AP3B1: variants seen among roughly 807,000 people sequenced by gnomAD.
AP3B1 encodes the protein adaptor related protein complex 3 subunit beta 1.
A neutral mutation model predicts 132.5 loss-of-function variants in AP3B1; 61 were observed. That is an observed-to-expected ratio of 0.46 (90% confidence interval 0.37 to 0.57). AP3B1 has a LOEUF of 0.57. Ranked by LOEUF, AP3B1 falls within the 20% of genes least tolerant of loss-of-function variation. The pLI is 0.00. For missense variants in AP3B1, 1,120 were observed against 1,289.4 expected, an observed-to-expected ratio of 0.87 and a Z score of 2.01; for synonymous variants, 388 against 438.3, an observed-to-expected ratio of 0.89 and a Z score of 1.43.
At chr5:78,145,135 G>C (rs10942839) in intron 14 of AP3B1, among the ~76,000 whole-genome samples, 1 of 151,984 alleles carries the variant, frequency 6.6e-6, no homozygotes, top group East Asian at 1.9e-4. Flanking sequence ...TGATTTGACC[G>C]AATTCAAAAT....
intron 2 of AP3B1, among the ~76,000 whole-genome samples, chr5:78,254,515 G>C (rs935584915): frequency 6.6e-6 from 1 of 152,158 alleles, no homozygotes; most frequent in Non-Finnish European, 1.5e-5. Flanking sequence ...GGTGGCAGTA[G>C]ACTTTTCAGT....
intron 18 of AP3B1, among the ~76,000 whole-genome samples, chr5:78,114,766 T>A (rs1269609348): frequency 6.6e-6 from 1 of 152,166 alleles, no homozygotes; most frequent in Non-Finnish European, 1.5e-5. Flanking sequence ...AATACCAACA[T>A]CAGGAAGGTC....
At chr5:78,133,276 C>T (rs1370874812) in intron 15 of AP3B1, among the ~76,000 whole-genome samples, 1 of 152,150 alleles carries the variant, frequency 6.6e-6, no homozygotes, top group Non-Finnish European at 1.5e-5. Flanking sequence ...ATCCTGCCTG[C>T]TGTTCTAAAA....
intron 14 of AP3B1, among the ~76,000 whole-genome samples, chr5:78,144,157 A>G (rs1388672363): frequency 2.6e-5 from 4 of 152,184 alleles, no homozygotes; most frequent in African/African-American, 7.2e-5. Flanking sequence ...TACATATGAT[A>G]TAATACTTTC....
At chr5:78,125,548 T>C (rs964970129) in intron 17 of AP3B1, among the ~76,000 whole-genome samples, 2 of 152,208 alleles carry the variant, frequency 1.3e-5, no homozygotes, top group African/African-American at 4.8e-5. Context: ...TTATTTTTTG[T>C]ATTGTAGCTG....
intron 7 of AP3B1, among the ~76,000 whole-genome samples, chr5:78,183,899 G>A (rs1326434582): frequency 6.9e-5 from 10 of 145,486 alleles, no homozygotes; most frequent in Non-Finnish European, 1.5e-4. Flanking sequence ...GCCAGGCACA[G>A]TGGCTCACGC....
chr5:78,267,668 A>T, intron 1 of AP3B1, 73 bp from the exon 2 acceptor site: 1 of 951,690 alleles, frequency 1.1e-6, no homozygotes, highest in Non-Finnish European at 1.6e-6. Flanking sequence ...TATCATTTTC[A>T]TAAGAATTAG....
At chr5:78,260,171 A>G (rs553613917) in intron 2 of AP3B1, among the ~76,000 whole-genome samples, 1 of 152,172 alleles carries the variant, frequency 6.6e-6, no homozygotes, top group South Asian at 2.1e-4. Context: ...TAAGTAATCT[A>G]TTTTCCCATG....
intron 11 of AP3B1, among the ~76,000 whole-genome samples, chr5:78,166,185 C>T (rs983571350): frequency 1.3e-5 from 2 of 150,262 alleles, no homozygotes; most frequent in South Asian, 2.1e-4. Flanking sequence ...ATCATATTGT[C>T]GCCAATGTGG....
chr5:78,118,841 C>T (rs909560746), intron 17 of AP3B1, among the ~76,000 whole-genome samples: 13 of 152,284 alleles, frequency 8.5e-5, no homozygotes, highest in South Asian at 2.1e-4. Context: ...TTTCCCAGCA[C>T]GCAGCTGGAG....
At position 78,214,903 on chromosome 5, in the gene AP3B1, G is replaced by C. The variant is rs968129714; in HGVS notation, c.786+1152C>G. Among the ~76,000 whole-genome samples the C allele has an allele frequency of 2.0e-5, 3 of 152,138 alleles. No homozygotes were observed. In the East Asian group the frequency reaches 5.8e-4, roughly 29 times the overall value. ...AAAACATACTTCAATTTTTAAGATGGATAACATAATCATCATTTTGTTAAT... is the reference window on the plus strand; with the variant it reads ...AAAACATACTTCAATTTTTAAGATGCATAACATAATCATCATTTTGTTAAT... On this transcript the variant is annotated intron_variant, in intron 7 of 26. Transcript: ENST00000255194.
chr5:78,190,416 T>C (rs1158777992), intron 7 of AP3B1, among the ~76,000 whole-genome samples: 3 of 152,136 alleles, frequency 2.0e-5, no homozygotes, highest in Non-Finnish European at 2.9e-5. Flanking sequence ...ATGAGGTTAA[T>C]GAAATGAAGG....
rs188195591 is a variant in AP3B1, at chr5:78,163,880, C to A, written c.1231-929G>T. ...TGAAATTTGAAAGGTCATTTACAAT[C>A]GAAATTTTTAAGAAAGATTCCCAAC... On this transcript the variant is annotated intron_variant, in intron 12 of 26. Transcript: ENST00000255194. Among the ~76,000 whole-genome samples the A allele has an allele frequency of 5.9e-3, 894 of 151,644 alleles. 14 individuals carry two copies. Among genetic ancestry groups the A allele is most frequent in the Admixed American group, 0.039 (598 of 15,220 alleles).
At chr5:78,020,646 T>C in intron 25 of AP3B1, 46 bp downstream of exon 25, 1 of 1,398,886 alleles carries the variant, frequency 7.1e-7, no homozygotes. Context: ...AATAAGCACA[T>C]ATTATTTGGT....
At chr5:78,231,914 G>T (rs769513539) in intron 3 of AP3B1, among the ~76,000 whole-genome samples, 1 of 152,112 alleles carries the variant, frequency 6.6e-6, no homozygotes, top group Non-Finnish European at 1.5e-5. Context: ...CTAAAGTACC[G>T]TATCTATTAA....
intron 7 of AP3B1, among the ~76,000 whole-genome samples, chr5:78,188,912 A>G (rs1057330696): frequency 6.6e-6 from 1 of 152,180 alleles, no homozygotes; most frequent in Non-Finnish European, 1.5e-5. Flanking sequence ...AAGGAACGAG[A>G]TAATGTCCTT....
intron 26 of AP3B1, among the ~76,000 whole-genome samples, chr5:78,004,257 G>A (rs532278947): frequency 3.4e-4 from 52 of 152,200 alleles, no homozygotes; most frequent in Admixed American, 9.8e-4. Flanking sequence ...AGCACGCTGC[G>A]GACTATTCAA....
intron 6 of AP3B1, among the ~76,000 whole-genome samples, chr5:78,221,521 G>C (rs542348055): frequency 1.3e-5 from 2 of 151,778 alleles, no homozygotes; most frequent in African/African-American, 4.8e-5. Context: ...GAAATCAAGA[G>C]AGCAAAAATA....
At chr5:78,100,346 C>T (rs1399313988) in intron 21 of AP3B1, among the ~76,000 whole-genome samples, 1 of 152,204 alleles carries the variant, frequency 6.6e-6, no homozygotes. Context: ...ACCACTATCT[C>T]TCTCTCACTA....
Sources: gnomAD v4.1 joint callset for allele counts (sites outside exome capture counted in the v4.1 genomes callset) on GRCh38, gnomAD v4.1.1 for gene constraint, MANE v1.5 for transcripts, NCBI Gene and HGNC (gene_info 2026-07-23, HGNC 2026-07-21) for gene names.